CACNA1C: variants seen among roughly 807,000 people sequenced by gnomAD.
The protein encoded by CACNA1C is calcium voltage-gated channel subunit alpha1 C.
A neutral mutation model predicts 229.0 loss-of-function variants in CACNA1C; 30 were observed. The observed-to-expected ratio is 0.13, with a 90% CI of 0.10 to 0.18. CACNA1C has a LOEUF of 0.18. Among genes scored for constraint, CACNA1C ranks in the 10% least tolerant of loss-of-function variants. The pLI is 1.00. For synonymous variants in CACNA1C, 1,114 were observed against 1,132.5 expected (o/e 0.98, Z 0.33); for missense variants, 1,658 against 2,845.0 (o/e 0.58, Z 9.49).
intron 9 of CACNA1C, among the ~76,000 whole-genome samples, chr12:2,544,566 C>A (rs1054823244): frequency 6.6e-6 from 1 of 152,210 alleles, no homozygotes; most frequent in African/African-American, 2.4e-5. Context: ...GGCTCAAACA[C>A]ATCTTTATTA....
Position 2,646,787 on chromosome 12 carries a change from A to AGG in CACNA1C, c.3913-1687_3913-1686insGG, listed in dbSNP as rs1283504449. 7.3e-6 allele frequency among the ~76,000 whole-genome samples: 1 copy of AGG among 137,620 alleles called. No individual in the cohort carries two copies. The highest frequency in any genetic ancestry group is 1.6e-5 in the Non-Finnish European group (1 of 64,148). 90.3% of individuals were successfully genotyped at this position (137,620 alleles called of 152,430 possible). A position where few individuals can be genotyped will look rare whatever the true frequency, so the allele number is the denominator to read the frequency against. ...GAGAGAAAGAGAGAGAGAGAGAGAG[A>AGG]GAGTGTGTGTGTGCGCGTGTGTGTG... On this transcript the variant is annotated intron_variant, in intron 30 of 46. Coordinates refer to ENST00000399655, the MANE Select transcript of CACNA1C (RefSeq NM_000719.7). The surrounding 1 kb of genome is among the most constrained non-coding windows in gnomAD (Gnocchi z 4.6).
intron 3 of CACNA1C, among the ~76,000 whole-genome samples, chr12:2,415,605 G>A (rs543545299): frequency 7.2e-5 from 11 of 152,270 alleles, no homozygotes; most frequent in African/African-American, 1.9e-4. Flanking sequence ...TGTGGCTGCC[G>A]CTCTCCTCTG....
intron 3 of CACNA1C, among the ~76,000 whole-genome samples, chr12:2,351,486 C>T (rs2097200701): frequency 6.6e-6 from 1 of 152,220 alleles, no homozygotes; most frequent in African/African-American, 2.4e-5. Flanking sequence ...GTCTGGTTTC[C>T]TCAGTTGCCC....
intron 3 of CACNA1C, among the ~76,000 whole-genome samples, chr12:2,363,197 C>G (rs756525146): frequency 6.6e-6 from 1 of 152,178 alleles, no homozygotes; most frequent in South Asian, 2.1e-4. Flanking sequence ...ATAGCATTGT[C>G]TGCTCTTGGA....
intron 11 of CACNA1C, among the ~76,000 whole-genome samples, chr12:2,559,913 C>A (rs950465024): frequency 6.6e-6 from 1 of 152,198 alleles, no homozygotes; most frequent in Non-Finnish European, 1.5e-5. Flanking sequence ...CAGGAAATTT[C>A]TTTGATTTAA....
At chr12:2,517,126 C>T (rs2099798577) in intron 9 of CACNA1C, among the ~76,000 whole-genome samples, 1 of 152,228 alleles carries the variant, frequency 6.6e-6, no homozygotes, top group Admixed American at 6.5e-5. Flanking sequence ...GGCTCACTTG[C>T]TGGTGCCTTA....
At chr12:2,441,374 C>A (rs1002798652) in intron 3 of CACNA1C, among the ~76,000 whole-genome samples, 1 of 152,160 alleles carries the variant, frequency 6.6e-6, no homozygotes, top group Admixed American at 6.5e-5. Flanking sequence ...AAGAGATCTA[C>A]CCTGGCATGG....
intron 1 of CACNA1C, among the ~76,000 whole-genome samples, chr12:2,041,218 G>C (rs1049046392): frequency 6.6e-4 from 100 of 150,642 alleles, no homozygotes; most frequent in African/African-American, 2.4e-3. Context: ...AACAATCTGG[G>C]TTGAAAAAGA....
rs1272461458 is a variant in CACNA1C, at chr12:2,348,562, G to A, written c.478-100414G>A. Among the ~76,000 whole-genome samples, 2 of 152,190 alleles carry A rather than the reference G, an allele frequency of 1.3e-5. No individual in the cohort carries two copies. Among genetic ancestry groups the A allele is most frequent in the African/African-American group, 2.4e-5 (1 of 41,458 alleles). ...GCCGGGTGGGCAAGGATTTCAAGTC[G>A]TCGGCACAAGAAGAGACACTATATT... On this transcript the variant is annotated intron_variant, in intron 3 of 46. Transcript: ENST00000399655. This position sits in a 1 kb window ranked among gnomAD's most constrained non-coding sequence, Gnocchi z 4.7.
Position 2,432,558 on chromosome 12 carries a change from T to C in CACNA1C, c.478-16418T>C, listed in dbSNP as rs1307953567. Among the ~76,000 whole-genome samples the C allele has an allele frequency of 2.0e-5, 3 of 152,148 alleles. No individual in the cohort carries two copies. The East Asian group carries it at 5.8e-4, about 29-fold the overall frequency. On this transcript the variant is annotated intron_variant, in intron 3 of 46. Coordinates refer to ENST00000399655, the MANE Select transcript of CACNA1C (RefSeq NM_000719.7). The stretch of plus-strand genomic sequence containing the variant: ...ACTCTCTTGCTACCTTGGGGATTAG[T>C]GGCCGGGGCTAAGGGAGTTGGAGCA...
At chr12:2,491,449 AAGG>A (rs1221672699) in intron 6 of CACNA1C, among the ~76,000 whole-genome samples, 4 of 109,542 alleles carry the variant, frequency 3.7e-5, no homozygotes, top group Admixed American at 1.8e-4. Context: ...GGAGGAGGAA[AAGG>A]AGGAGGAGGA....
rs141199004 is a variant in CACNA1C at position 2,286,672 on chromosome 12, C to T, written c.478-162304C>T. Among the ~76,000 whole-genome samples the T allele has an allele frequency of 6.1e-3, 922 of 152,242 alleles. 9 individuals are homozygous for T. The highest frequency in any genetic ancestry group is 0.024 in the South Asian group (113 of 4,800). Reference sequence around the variant, plus strand: ...AGTGGAGGAGGCGCAGTCCCTCCCCCGAGAGCACTGTGGCCAGTGGAAGGA... The same window carrying T: ...AGTGGAGGAGGCGCAGTCCCTCCCCTGAGAGCACTGTGGCCAGTGGAAGGA... On this transcript the variant is annotated intron_variant, in intron 3 of 46. Transcript: ENST00000399655.
chr12:2,634,278 G>T lies in CACNA1C; in HGVS notation c.3829-19G>T. The T allele has an allele frequency of 7.2e-7, 1 of 1,390,832 alleles. No individual in the cohort carries two copies. The highest frequency in any genetic ancestry group is 2.6e-5 in the East Asian group (1 of 38,710). The allele number at this position is 1,390,832 out of a possible 1,614,324, so 86.2% of individuals were successfully genotyped here. On this transcript the variant is annotated intron_variant, in intron 29 of 46. Coordinates refer to ENST00000399655, the MANE Select transcript of CACNA1C (RefSeq NM_000719.7). ...TTGGTTCTTCTTCTCTCTCTCCCCGGCTGCTCTGCCCCATGCAGCACTATT... is the reference window on the plus strand; with the variant it reads ...TTGGTTCTTCTTCTCTCTCTCCCCGTCTGCTCTGCCCCATGCAGCACTATT...
Position 2,467,079 on chromosome 12 carries a change from G to A in CACNA1C, c.757+9373G>A, listed in dbSNP as rs970293177. On this transcript the variant is annotated intron_variant, in intron 5 of 46. Coordinates refer to ENST00000399655, the MANE Select transcript of CACNA1C (RefSeq NM_000719.7). The surrounding 1 kb of genome is among the most constrained non-coding windows in gnomAD (Gnocchi z 4.6). ...GCATGTGCAGGGGGCCACCCCTGAG[G>A]CCGTCCCTCATTCTCCTTCACACAG... Among the ~76,000 whole-genome samples the A allele has an allele frequency of 6.6e-6, 1 of 152,294 alleles. No homozygotes were observed.
intron 1 of CACNA1C, among the ~76,000 whole-genome samples, chr12:2,082,456 C>T (rs375329553): frequency 6.6e-6 from 1 of 152,250 alleles, no homozygotes; most frequent in Admixed American, 6.5e-5. Flanking sequence ...AAGACTGGGC[C>T]GGCTGTCGCT....
chr12:2,405,658 C>T (rs545494901), intron 3 of CACNA1C, among the ~76,000 whole-genome samples: 20 of 152,128 alleles, frequency 1.3e-4, no homozygotes, highest in Admixed American at 2.0e-4. Flanking sequence ...ACTGGTACTA[C>T]TTTTTTCCAG....
intron 1 of CACNA1C, among the ~76,000 whole-genome samples, chr12:2,020,761 T>G (rs1034388296): frequency 6.6e-6 from 1 of 151,982 alleles, no homozygotes; most frequent in African/African-American, 2.4e-5. Flanking sequence ...CTCTCAGGAG[T>G]GGAGGAGATT....
intron 3 of CACNA1C, among the ~76,000 whole-genome samples, chr12:2,315,225 G>A (rs765350185): frequency 2.6e-5 from 4 of 152,180 alleles, no homozygotes; most frequent in Admixed American, 1.3e-4. Flanking sequence ...CACCACAGAC[G>A]TGGCCTTTTC....
rs1339653648 is a variant in CACNA1C at position 2,052,997 on chromosome 12, C to T, written c.-566C>T. The stretch of plus-strand genomic sequence containing the variant: ...TCTCGCGCGCCCGGTGTCTCCCTCT[C>T]GCTGCCTCTGCAGAAACAGCTCCTG... On this transcript the variant is annotated 5_prime_UTR_variant, in exon 1 of 47. Transcript: ENST00000399655. 2.1e-5 allele frequency: 21 copies of T among 983,776 alleles called. No individual in the cohort carries two copies. The highest frequency in any genetic ancestry group is 5.2e-4 in the Middle Eastern group (1 of 1,912). The allele number at this position is 983,776 out of a possible 1,614,324, so 60.9% of individuals were successfully genotyped here.
Sources: gnomAD v4.1 joint callset for allele counts (sites outside exome capture counted in the v4.1 genomes callset) on GRCh38, gnomAD v4.1.1 for gene constraint, Gnocchi (gnomAD v3.1) non-coding constraint, MANE v1.5 for transcripts, NCBI Gene and HGNC (gene_info 2026-07-23, HGNC 2026-07-21) for gene names.